Variants in CADPS2 observed in about 807,000 individuals in gnomAD.
CADPS2 encodes the protein calcium-dependent secretion activator 2.
Under a neutral mutation model 172.5 loss-of-function variants are expected in CADPS2, and 93 were observed. That is an observed-to-expected ratio of 0.54 (90% CI 0.46 to 0.64). CADPS2 has a LOEUF of 0.64. Ranked by LOEUF, CADPS2 falls within the 30% of genes least tolerant of loss-of-function variation. The pLI, the probability that CADPS2 is intolerant of heterozygous loss-of-function variation, is 0.00. For synonymous variants in CADPS2, 546 were observed against 555.2 expected, an observed-to-expected ratio of 0.98 and a Z score of 0.23; for missense variants, 1,420 against 1,565.9, an observed-to-expected ratio of 0.91 and a Z score of 1.57.
chr7:122,683,882 G>C (rs1410786066), intron 2 of CADPS2, among the ~76,000 whole-genome samples: 1 of 152,066 alleles, frequency 6.6e-6, no homozygotes, highest in Non-Finnish European at 1.5e-5. Flanking sequence ...GAGGTTCACT[G>C]TGTCTACACT....
chr7:122,697,526 G>A (rs1211502251), intron 2 of CADPS2, among the ~76,000 whole-genome samples: 1 of 151,998 alleles, frequency 6.6e-6, no homozygotes, highest in Non-Finnish European at 1.5e-5. Context: ...TAACATGAAT[G>A]TGTACATATA....
chr7:122,550,114 G>A (rs1039219335), intron 8 of CADPS2, among the ~76,000 whole-genome samples: 5 of 152,134 alleles, frequency 3.3e-5, no homozygotes, highest in Non-Finnish European at 7.3e-5. Flanking sequence ...TGCCCAGCTG[G>A]CCCTCTCTCT....
At position 122,503,054 on chromosome 7, in the gene CADPS2, C is replaced by T. The variant is rs1238380800; in HGVS notation, c.1542+10195G>A. ...ACTTTTTTTTTTTTTTTTTTTGAGA[C>T]GGGGTCTCGCTCTGTCGCCCAGGCT... is the stretch of plus-strand genomic sequence containing the variant. On this transcript the variant is annotated intron_variant, in intron 9 of 29. Coordinates refer to ENST00000449022, the MANE Select transcript of CADPS2 (RefSeq NM_017954.11). 1.7e-4 allele frequency among the ~76,000 whole-genome samples: 22 copies of T among 129,914 alleles called. No individual in the cohort carries two copies. The East Asian group carries it at 2.2e-3, about 13-fold the overall frequency. The allele number at this position is 129,914 out of a possible 152,430, so 85.2% of individuals were successfully genotyped here. A position where few individuals can be genotyped will look rare whatever the true frequency, so the allele number is the denominator to read the frequency against.
At position 122,699,416 on chromosome 7, in the gene CADPS2, G is replaced by A. The variant is rs1156789180; in HGVS notation, c.454-35847C>T. Reference sequence around the variant, plus strand: ...TGTTTTATTTTCCCAGCAAGTGAAGGAGATATTTCCAACAAAATGGCAAGC... The same window carrying A: ...TGTTTTATTTTCCCAGCAAGTGAAGAAGATATTTCCAACAAAATGGCAAGC... On this transcript the variant is annotated intron_variant, in intron 2 of 29. Coordinates refer to ENST00000449022, the MANE Select transcript of CADPS2 (RefSeq NM_017954.11). 2.0e-5 allele frequency among the ~76,000 whole-genome samples: 3 copies of A among 152,088 alleles called. No homozygotes were observed. In the South Asian group the frequency reaches 6.2e-4, roughly 32 times the overall value.
At chr7:122,749,439 C>A (rs1385170533) in intron 1 of CADPS2, among the ~76,000 whole-genome samples, 1 of 152,120 alleles carries the variant, frequency 6.6e-6, no homozygotes, top group Non-Finnish European at 1.5e-5. Flanking sequence ...CCTGAACTAG[C>A]AAACTGTACA....
intron 4 of CADPS2, among the ~76,000 whole-genome samples, chr7:122,628,803 A>AT (rs1395139857): frequency 6.7e-6 from 1 of 148,946 alleles, no homozygotes; most frequent in Non-Finnish European, 1.5e-5. Flanking sequence ...TTAAAATAAT[A>AT]TTTTTTCATG....
chr7:122,646,118 C>A (rs1227952299), intron 3 of CADPS2, among the ~76,000 whole-genome samples: 1 of 151,920 alleles, frequency 6.6e-6, no homozygotes, highest in Admixed American at 6.6e-5. Context: ...AATAAGAGTT[C>A]AATTTATACA....
intron 1 of CADPS2, among the ~76,000 whole-genome samples, chr7:122,872,265 T>C (rs1382381481): frequency 1.3e-5 from 2 of 152,164 alleles, no homozygotes; most frequent in Non-Finnish European, 2.9e-5. Flanking sequence ...ATAGGGATTC[T>C]TACAGTGTTG....
At chr7:122,722,604 A>G (rs1185110248) in intron 2 of CADPS2, among the ~76,000 whole-genome samples, 1 of 141,926 alleles carries the variant, frequency 7.0e-6, no homozygotes, top group African/African-American at 2.7e-5. Flanking sequence ...TATTGTGAAA[A>G]TGGCCATAAT....
intron 1 of CADPS2, among the ~76,000 whole-genome samples, chr7:122,769,153 G>A (rs931105230): frequency 1.3e-5 from 2 of 152,170 alleles, no homozygotes; most frequent in African/African-American, 2.4e-5. Flanking sequence ...CTGCCCTCAA[G>A]ACAATTCAGC....
At chr7:122,646,102 C>T (rs2078522848) in intron 3 of CADPS2, among the ~76,000 whole-genome samples, 1 of 151,836 alleles carries the variant, frequency 6.6e-6, no homozygotes, top group African/African-American at 2.4e-5. Flanking sequence ...ACTCGAGTTT[C>T]AACATAATAA....
chr7:122,542,007 T>C (rs2063147316), intron 8 of CADPS2, among the ~76,000 whole-genome samples: 1 of 151,318 alleles, frequency 6.6e-6, no homozygotes, highest in Non-Finnish European at 1.5e-5. Flanking sequence ...CATCATTTAT[T>C]TGTAAATCAT....
chr7:122,399,374 T>C (rs954035795), intron 20 of CADPS2, among the ~76,000 whole-genome samples: 5 of 152,190 alleles, frequency 3.3e-5, no homozygotes, highest in Non-Finnish European at 2.9e-5. Flanking sequence ...ATTTGTAAAT[T>C]GTAGGCATTA....
At chr7:122,570,503 T>C (rs1214376939) in intron 7 of CADPS2, among the ~76,000 whole-genome samples, 2 of 147,898 alleles carry the variant, frequency 1.4e-5, no homozygotes, top group Non-Finnish European at 3.0e-5. Flanking sequence ...GAACTAGAAA[T>C]ACCATTTGAC....
At chr7:122,847,751 G>T (rs1189942425) in intron 1 of CADPS2, among the ~76,000 whole-genome samples, 1 of 152,100 alleles carries the variant, frequency 6.6e-6, no homozygotes, top group Non-Finnish European at 1.5e-5. Flanking sequence ...AGTCTTACTG[G>T]TTACTGCTCC....
At chr7:122,705,571 CTATATTATATATTATATAATATATTTTA>C (rs2086905436) in intron 2 of CADPS2, among the ~76,000 whole-genome samples, 2 of 93,436 alleles carry the variant, frequency 2.1e-5, no homozygotes, top group African/African-American at 4.3e-5. Flanking sequence ...TATATATTAT[CTATATTATATATTATATAATATATTTTA>C]TATATTATAT....
At chr7:122,433,238 C>T (rs1357082887) in intron 17 of CADPS2, among the ~76,000 whole-genome samples, 3 of 152,004 alleles carry the variant, frequency 2.0e-5, no homozygotes, top group African/African-American at 2.4e-5. Flanking sequence ...GCCTCAGCCT[C>T]CCAAAGTTCT....
chr7:122,535,475 G>A (rs913116453), intron 8 of CADPS2, among the ~76,000 whole-genome samples: 9 of 151,996 alleles, frequency 5.9e-5, no homozygotes, highest in African/African-American at 2.2e-4. Flanking sequence ...GCTAATTAGA[G>A]TAGTAGCTGA....
intron 14 of CADPS2, among the ~76,000 whole-genome samples, chr7:122,459,582 T>C (rs1391882888): frequency 6.6e-6 from 1 of 152,334 alleles, no homozygotes; most frequent in South Asian, 2.1e-4. Context: ...AAAGGGGATC[T>C]ATTTTAATAT....
Sources: allele counts gnomAD v4.1 joint callset (sites outside exome capture counted in the v4.1 genomes callset), GRCh38; gene constraint gnomAD v4.1.1; transcripts MANE v1.5; gene names NCBI Gene and HGNC (gene_info 2026-07-23, HGNC 2026-07-21).